IL4R: variants seen among roughly 807,000 people sequenced by gnomAD.
IL4R encodes interleukin-4 receptor subunit alpha.
Under a neutral mutation model 41.5 loss-of-function variants are expected in IL4R, and 17 were observed. The ratio of observed to expected loss-of-function variants is 0.41; its 90% CI spans 0.28 to 0.61. The LOEUF is 0.61. Ranked by LOEUF, IL4R falls within the 20% of genes least tolerant of loss-of-function variation. The pLI, the probability that IL4R is intolerant of heterozygous loss-of-function variation, is 0.31. For synonymous variants in IL4R, 402 were observed against 422.9 expected (o/e 0.95, Z 0.61); for missense variants, 974 against 1,043.1 (o/e 0.93, Z 0.91).
intron 6 of IL4R, among the ~76,000 whole-genome samples, chr16:27,352,194 C>T (rs548179453): frequency 3.7e-4 from 56 of 152,284 alleles, no homozygotes; most frequent in African/African-American, 1.3e-3. Context: ...ACATTGAGGT[C>T]CAGAGAGGTT....
intron 8 of IL4R, 73 bp from the exon 9 acceptor site, chr16:27,358,843 C>T (rs1409645151): frequency 1.8e-5 from 21 of 1,170,044 alleles, no homozygotes; most frequent in Admixed American, 5.1e-5. Flanking sequence ...TTGGTGATAA[C>T]GACCACTTTT....
chr16:27,342,306 G>A (rs2085469043), intron 4 of IL4R, 47 bp downstream of exon 4: 2 of 1,611,634 alleles, frequency 1.2e-6, no homozygotes, highest in Non-Finnish European at 1.7e-6. Flanking sequence ...GTGCCCAAAG[G>A]GTTTGCCCCA....
intron 6 of IL4R, among the ~76,000 whole-genome samples, chr16:27,351,093 G>A (rs1226949590): frequency 6.6e-6 from 1 of 152,186 alleles, no homozygotes; most frequent in Non-Finnish European, 1.5e-5. Flanking sequence ...TATAATCAAG[G>A]TGTGGGATGG....
In IL4R at chr16:27,340,075, GCAAA is replaced by G. The variant is rs557132473; in HGVS notation, c.-18-98_-18-95del. 529 of 704,686 alleles carry G rather than the reference GCAAA, an allele frequency of 7.5e-4. 1 individual carries two copies. Among genetic ancestry groups the G allele is most frequent in the Non-Finnish European group, 1.1e-3 (452 of 411,926 alleles). The allele number at this position is 704,686 out of a possible 1,614,324, so 43.7% of individuals were successfully genotyped here. On this transcript the variant is annotated intron_variant, in intron 2 of 10. Coordinates refer to ENST00000395762, the MANE Select transcript of IL4R (RefSeq NM_000418.4). ...CTGTCTCGGAAAAACAAACAAACAA[GCAAA>G]CAAACAAACAAATAAATGGCCAGGG...
Position 27,354,361 on chromosome 16 carries a change from G to A in IL4R, c.671-1447G>A, listed in dbSNP as rs3024627. On this transcript the variant is annotated intron_variant, in intron 7 of 10. Coordinates refer to ENST00000395762, the MANE Select transcript of IL4R (RefSeq NM_000418.4). The stretch of plus-strand genomic sequence containing the variant: ...GCCCTCAGGTTGGCCGTTGCACACT[G>A]TCTTACATAAAGCAGGAAGGAAAGG... 9.0e-3 allele frequency among the ~76,000 whole-genome samples: 1,369 copies of A among 152,250 alleles called. 17 individuals are homozygous for A. Among genetic ancestry groups the A allele is most frequent in the African/African-American group, 0.031 (1,270 of 41,548 alleles).
chr16:27,364,193 A>G lies in IL4R; in HGVS notation c.*363A>G, dbSNP rs2086419428. On this transcript the variant is annotated 3_prime_UTR_variant, in exon 11 of 11. Transcript: ENST00000395762. ...TGTCCCTGTTGTAACTGCCCAAGGC[A>G]TGTTTTGCCCACCAGATCATGGCCC... 5.4e-5 allele frequency: 11 copies of G among 204,664 alleles called. No individual in the cohort carries two copies. Among genetic ancestry groups the G allele is most frequent in the Admixed American group, 2.8e-4 (5 of 18,096 alleles). The allele number at this position is 204,664 out of a possible 1,614,324, so 12.7% of individuals were successfully genotyped here.
intron 8 of IL4R, among the ~76,000 whole-genome samples, chr16:27,357,845 T>C (rs1261461503): frequency 6.6e-6 from 1 of 152,090 alleles, no homozygotes; most frequent in Non-Finnish European, 1.5e-5. Context: ...TCTTTATTCA[T>C]GGCACTTATT....
chr16:27,340,483 G>A (rs1401409526), intron 3 of IL4R, among the ~76,000 whole-genome samples: 1 of 152,336 alleles, frequency 6.6e-6, no homozygotes, highest in Middle Eastern at 3.4e-3. Context: ...AGCACTTCAG[G>A]AGGCCGAGGC....
At chr16:27,334,150 G>C (rs191256235) in intron 2 of IL4R, among the ~76,000 whole-genome samples, 1,589 of 152,244 alleles carry the variant, frequency 0.01, 37 homozygotes, top group African/African-American at 0.037. Context: ...CCGAAGTGCT[G>C]GGATTACAGG....
intron 6 of IL4R, among the ~76,000 whole-genome samples, chr16:27,347,130 G>A (rs897338838): frequency 6.6e-6 from 1 of 152,190 alleles, no homozygotes; most frequent in Non-Finnish European, 1.5e-5. Flanking sequence ...AGATCAGTTT[G>A]TTGGTTGTTC....
chr16:27,355,937 G>T (rs1486787170), intron 8 of IL4R, 30 bp downstream of exon 8: 6 of 1,524,826 alleles, frequency 3.9e-6, no homozygotes, highest in Non-Finnish European at 5.4e-6. Context: ...CTGCCGAGCA[G>T]TCCCTCTGGA....
rs553017856 is a variant in IL4R, at chr16:27,362,057, C to G, written c.900-195C>G. 2.0e-5 allele frequency among the ~76,000 whole-genome samples: 3 copies of G among 152,204 alleles called. No homozygotes were observed. The South Asian group carries it at 6.2e-4, about 32-fold the overall frequency. ...GGACATGTGCTGGGTTCCCGAAATC[C>G]CAAAGACACAGACCCTACCCTCAGG... On this transcript the variant is annotated intron_variant, in intron 10 of 10. Coordinates refer to ENST00000395762, the MANE Select transcript of IL4R (RefSeq NM_000418.4).
chr16:27,314,580 T>TGC (rs2084576943), intron 1 of IL4R, among the ~76,000 whole-genome samples: 1 of 152,208 alleles, frequency 6.6e-6, no homozygotes, highest in Non-Finnish European at 1.5e-5. Context: ...GCCGGTGCTG[T>TGC]GCGTCATGGA....
At chr16:27,350,148 CCTT>C (rs1435876250) in intron 6 of IL4R, among the ~76,000 whole-genome samples, 1 of 152,200 alleles carries the variant, frequency 6.6e-6, no homozygotes, top group Non-Finnish European at 1.5e-5. Context: ...AAACACCTGT[CCTT>C]CTTGTTAAAA....
At chr16:27,324,750 C>G (rs1002342764) in intron 1 of IL4R, among the ~76,000 whole-genome samples, 1 of 152,218 alleles carries the variant, frequency 6.6e-6, no homozygotes, top group South Asian at 2.1e-4. Context: ...TCCAGGATCC[C>G]GGATGGAGTT....
intron 1 of IL4R, among the ~76,000 whole-genome samples, chr16:27,314,925 C>T (rs903256280): frequency 6.6e-6 from 1 of 152,152 alleles, no homozygotes; most frequent in African/African-American, 2.4e-5. Flanking sequence ...CCTCCCACCT[C>T]GGCCTCCCAA....
intron 1 of IL4R, among the ~76,000 whole-genome samples, chr16:27,320,950 T>C (rs1298964115): frequency 2.7e-5 from 4 of 148,314 alleles, no homozygotes; most frequent in Middle Eastern, 3.5e-3. Context: ...CTTTCTTTCT[T>C]TTTTTTTTTT....
chr16:27,348,383 A>T (rs564722932), intron 6 of IL4R, among the ~76,000 whole-genome samples: 1 of 152,184 alleles, frequency 6.6e-6, no homozygotes, highest in South Asian at 2.1e-4. Context: ...GGCTGGGGGG[A>T]AGAGAAAGGT....
At chr16:27,361,641 G>T (rs1273820507) in intron 10 of IL4R, among the ~76,000 whole-genome samples, 22 of 145,594 alleles carry the variant, frequency 1.5e-4, no homozygotes, top group Non-Finnish European at 2.4e-4. Context: ...TTGGACGCAG[G>T]GTCTTGCTGT....
Sources: gnomAD v4.1 joint callset for allele counts (sites outside exome capture counted in the v4.1 genomes callset) on GRCh38, gnomAD v4.1.1 for gene constraint, MANE v1.5 for transcripts, NCBI Gene and HGNC (gene_info 2026-07-23, HGNC 2026-07-21) for gene names.